SLC44A5: variants seen among roughly 807,000 people sequenced by gnomAD.
The protein encoded by SLC44A5 is solute carrier family 44 member 5.
Under a neutral mutation model 101.8 loss-of-function variants are expected in SLC44A5, and 57 were observed. The ratio of observed to expected loss-of-function variants is 0.56; its 90% CI spans 0.45 to 0.70. The LOEUF (loss-of-function observed/expected upper bound fraction) is 0.70. Among genes scored for constraint, SLC44A5 ranks in the 30% least tolerant of loss-of-function variants. The pLI, the probability that SLC44A5 is intolerant of heterozygous loss-of-function variation, is 0.00. For missense variants in SLC44A5, 737 were observed against 853.1 expected (o/e 0.86, Z 1.70); for synonymous variants, 281 against 290.9 (o/e 0.97, Z 0.35).
chr1:75,711,435 T>C, the SLC44A5 span, among the ~76,000 whole-genome samples: 1 of 152,268 alleles, frequency 6.6e-6, no homozygotes, highest in Admixed American at 6.5e-5. Context: ...AAAAAATAAA[T>C]CAAACTTTTA....
intron 4 of SLC44A5, among the ~76,000 whole-genome samples, chr1:75,324,329 A>G (rs1656407769): frequency 6.6e-6 from 1 of 152,220 alleles, no homozygotes; most frequent in Admixed American, 6.6e-5. Context: ...AGCCAGATCC[A>G]CCATAACAGG....
intron 3 of SLC44A5, among the ~76,000 whole-genome samples, chr1:75,390,857 G>A (rs1044487132): frequency 5.3e-5 from 8 of 152,096 alleles, no homozygotes; most frequent in African/African-American, 1.9e-4. Flanking sequence ...AATCAGGTGA[G>A]AGAACAAAAC....
At chr1:75,528,339 A>G (rs886113618) in intron 2 of SLC44A5, among the ~76,000 whole-genome samples, 5 of 152,224 alleles carry the variant, frequency 3.3e-5, no homozygotes, top group African/African-American at 7.2e-5. Context: ...AGCAAAAAAT[A>G]TATATTTTAT....
intron 4 of SLC44A5, among the ~76,000 whole-genome samples, chr1:75,329,942 C>A (rs890574719): frequency 6.6e-6 from 1 of 151,924 alleles, no homozygotes; most frequent in Non-Finnish European, 1.5e-5. Context: ...GTACTGTCAC[C>A]CAGCTTCAGT....
chr1:75,350,263 C>T (rs1361530500), intron 3 of SLC44A5, among the ~76,000 whole-genome samples: 5 of 151,892 alleles, frequency 3.3e-5, no homozygotes, highest in African/African-American at 1.2e-4. Flanking sequence ...GGATGTCTGT[C>T]TACCAGCCAT....
intron 5 of SLC44A5, among the ~76,000 whole-genome samples, chr1:75,287,128 G>A (rs1653118879): frequency 6.7e-6 from 1 of 150,332 alleles, no homozygotes; most frequent in African/African-American, 2.4e-5. Context: ...TGGAGGCTTT[G>A]TTTTTTTTTA....
In SLC44A5 at chr1:75,279,289, C is replaced by A. The variant is rs577585876; in HGVS notation, c.176-4247G>T. On this transcript the variant is annotated intron_variant, in intron 5 of 23. Transcript: ENST00000370859. ...TTTTTAAGTTTTTGTAATGTTAGAA[C>A]AGAATTTCTAGATTCAAATATGTGA... Among the ~76,000 whole-genome samples, 14 of 152,148 alleles carry A rather than the reference C, an allele frequency of 9.2e-5. No homozygotes were observed. The South Asian group carries it at 2.9e-3, about 32-fold the overall frequency.
intron 2 of SLC44A5, among the ~76,000 whole-genome samples, chr1:75,499,969 A>C (rs777956009): frequency 6.6e-6 from 1 of 152,178 alleles, no homozygotes; most frequent in Non-Finnish European, 1.5e-5. Context: ...GACCCTGCCC[A>C]TAAACCCCTC....
At chr1:75,656,888 C>A in the SLC44A5 span, among the ~76,000 whole-genome samples, 2,395 of 152,276 alleles carry the variant, frequency 0.016, 78 homozygotes, top group African/African-American at 0.053. Context: ...GTGGCTCATG[C>A]CTGTAATCCC....
upstream of SLC44A5, chr1:75,615,902 C>T: frequency 1.0e-6 from 1 of 987,232 alleles, no homozygotes; most frequent in Non-Finnish European, 1.2e-6. Context: ...GTCCCCTTCC[C>T]TCCCCCGGAC....
At chr1:75,659,508 GGC>G in the SLC44A5 span, among the ~76,000 whole-genome samples, 2 of 46,584 alleles carry the variant, frequency 4.3e-5, no homozygotes, top group Non-Finnish European at 1.3e-4. Flanking sequence ...CAGGCAGGCA[GGC>G]AGGCAGGCAG....
intron 2 of SLC44A5, among the ~76,000 whole-genome samples, chr1:75,518,932 T>G (rs1414650821): frequency 1.3e-5 from 2 of 152,180 alleles, no homozygotes; most frequent in East Asian, 3.8e-4. Context: ...CTGGTGATGG[T>G]TTCACAACTC....
intron 3 of SLC44A5, among the ~76,000 whole-genome samples, chr1:75,342,851 T>C (rs1048922510): frequency 6.6e-6 from 1 of 152,188 alleles, no homozygotes; most frequent in Non-Finnish European, 1.5e-5. Flanking sequence ...CTGCTTTATT[T>C]TTCAGTTGAA....
intron 3 of SLC44A5, among the ~76,000 whole-genome samples, chr1:75,366,216 A>G (rs1196798228): frequency 6.6e-6 from 1 of 152,164 alleles, no homozygotes; most frequent in African/African-American, 2.4e-5. Context: ...TGTAAGGCAG[A>G]CCTAGTGGTG....
intron 4 of SLC44A5, among the ~76,000 whole-genome samples, chr1:75,314,030 T>A (rs1655506941): frequency 6.6e-6 from 1 of 152,186 alleles, no homozygotes; most frequent in Non-Finnish European, 1.5e-5. Context: ...ATAAGGTGAA[T>A]GATGATATTA....
Position 75,346,034 on chromosome 1 carries a change from T to C in SLC44A5, c.53-6404A>G, listed in dbSNP as rs189587017. ...AGAAAGGGCATGGTACCCTACATCA[T>C]CACCTAATGATGACAACGCCTCATG... is the stretch of plus-strand genomic sequence containing the variant. On this transcript the variant is annotated intron_variant, in intron 3 of 23. Transcript: ENST00000370859. 3.3e-5 allele frequency among the ~76,000 whole-genome samples: 5 copies of C among 152,198 alleles called. No individual in the cohort carries two copies. In the South Asian group the frequency reaches 1.0e-3, roughly 32 times the overall value.
At chr1:75,717,158 TA>T in the SLC44A5 span, among the ~76,000 whole-genome samples, 1 of 152,022 alleles carries the variant, frequency 6.6e-6, no homozygotes, top group East Asian at 1.9e-4. Flanking sequence ...GTCATTATTC[TA>T]AGCGCATTTA....
At chr1:75,599,831 G>A (rs192388512) in intron 1 of SLC44A5, among the ~76,000 whole-genome samples, 14 of 152,218 alleles carry the variant, frequency 9.2e-5, no homozygotes, top group Admixed American at 9.2e-4. Flanking sequence ...TGTGGGAAGT[G>A]GTGGGAAATG....
intron 3 of SLC44A5, among the ~76,000 whole-genome samples, chr1:75,387,154 G>A (rs112718773): frequency 0.022 from 3,362 of 152,208 alleles, 135 homozygotes; most frequent in African/African-American, 0.076. Context: ...GCTTGTGCAA[G>A]GACTTCATGT....
Sources: gnomAD v4.1 joint callset for allele counts (sites outside exome capture counted in the v4.1 genomes callset) on GRCh38, gnomAD v4.1.1 for gene constraint, MANE v1.5 for transcripts, NCBI Gene and HGNC (gene_info 2026-07-23, HGNC 2026-07-21) for gene names.